Variants in DENND2A observed in about 807,000 individuals in gnomAD.
The protein encoded by DENND2A is DENN domain-containing protein 2A.
A neutral mutation model predicts 105.3 loss-of-function variants in DENND2A; 53 were observed. The observed-to-expected ratio is 0.50, with a 90% confidence interval of 0.40 to 0.63. DENND2A has a LOEUF of 0.63. Ranked by LOEUF, DENND2A falls within the 30% of genes least tolerant of loss-of-function variation. The pLI, the probability that DENND2A is intolerant of heterozygous loss-of-function variation, is 0.00. For synonymous variants in DENND2A, 522 were observed against 508.4 expected (o/e 1.03, Z -0.36); for missense variants, 1,138 against 1,279.6 (o/e 0.89, Z 1.69).
At position 140,552,071 on chromosome 7, in the gene DENND2A, T is replaced by A. The variant is rs138177443; in HGVS notation, c.2037+3565A>T. Among the ~76,000 whole-genome samples the A allele has an allele frequency of 5.5e-3, 840 of 152,306 alleles. 7 individuals carry two copies. Among genetic ancestry groups the A allele is most frequent in the Middle Eastern group, 0.01 (3 of 294 alleles). The stretch of plus-strand genomic sequence containing the variant: ...AGCTGGCCTAACTCACATGAGCTGT[T>A]TTACTTCTGGTGTTCATAAGCATTC... On this transcript the variant is annotated intron_variant, in intron 12 of 19. Transcript: ENST00000496613.
At chr7:140,531,526 C>T (rs1197903717) in intron 14 of DENND2A, among the ~76,000 whole-genome samples, 11 of 152,030 alleles carry the variant, frequency 7.2e-5, no homozygotes, top group Non-Finnish European at 1.3e-4. Context: ...GAGCCGGGTG[C>T]GGTGGCTCGT....
intron 1 of DENND2A, among the ~76,000 whole-genome samples, chr7:140,618,626 T>A (rs978259145): frequency 2.6e-5 from 4 of 152,192 alleles, no homozygotes; most frequent in African/African-American, 9.7e-5. Flanking sequence ...AGACTAGAAC[T>A]AGACTCTAGC....
chr7:140,580,064 T>C (rs1021649376), intron 5 of DENND2A, among the ~76,000 whole-genome samples: 1 of 152,038 alleles, frequency 6.6e-6, no homozygotes, highest in African/African-American at 2.4e-5. Flanking sequence ...GCTGAGATCA[T>C]GCCACTGCAC....
chr7:140,578,759 C>T (rs1307703385), intron 5 of DENND2A, among the ~76,000 whole-genome samples: 2 of 151,880 alleles, frequency 1.3e-5, no homozygotes, highest in Non-Finnish European at 1.5e-5. Context: ...TGGGCACCTG[C>T]GCTACTCAGG....
rs191899204 is a variant in DENND2A, at chr7:140,557,981, A to T, written c.1959+162T>A. ...GCCACCATGCCAGATTTTTTCTGTG[A>T]TTTTAACTATGCTGATTCACCTGCC... On this transcript the variant is annotated intron_variant, in intron 11 of 19. Transcript: ENST00000496613. 3.4e-3 allele frequency among the ~76,000 whole-genome samples: 509 copies of T among 151,932 alleles called. 1 individual carries two copies. The highest frequency in any genetic ancestry group is 4.9e-3 in the Non-Finnish European group (335 of 67,940).
At chr7:140,584,889 T>C (rs1798713964) in intron 5 of DENND2A, among the ~76,000 whole-genome samples, 1 of 152,188 alleles carries the variant, frequency 6.6e-6, no homozygotes, top group South Asian at 2.1e-4. Flanking sequence ...TTTACATGTA[T>C]GTATATTCTT....
intron 3 of DENND2A, among the ~76,000 whole-genome samples, chr7:140,595,975 A>G (rs1799268381): frequency 6.6e-6 from 1 of 152,154 alleles, no homozygotes; most frequent in South Asian, 2.1e-4. Context: ...CCAGGTGCTC[A>G]GGGCAGGCGG....
chr7:140,622,379 G>C (rs1226115349), intron 1 of DENND2A, among the ~76,000 whole-genome samples: 1 of 151,482 alleles, frequency 6.6e-6, no homozygotes, highest in Non-Finnish European at 1.5e-5. Flanking sequence ...CTGGGCGACA[G>C]AGCAAGACTC....
chr7:140,566,185 C>T (rs1209602673), intron 9 of DENND2A, among the ~76,000 whole-genome samples: 1 of 152,120 alleles, frequency 6.6e-6, no homozygotes. Flanking sequence ...GCGCCTGCCA[C>T]CACGCCCAGC....
At chr7:140,541,369 G>A (rs544175512) in intron 14 of DENND2A, among the ~76,000 whole-genome samples, 1 of 152,074 alleles carries the variant, frequency 6.6e-6, no homozygotes, top group Non-Finnish European at 1.5e-5. Flanking sequence ...TCCTCCCCAA[G>A]TCTAGCATCT....
chr7:140,569,357 G>A (rs534090027), intron 7 of DENND2A, among the ~76,000 whole-genome samples: 6 of 152,300 alleles, frequency 3.9e-5, no homozygotes, highest in Non-Finnish European at 8.8e-5. Flanking sequence ...GAAGGTCCTG[G>A]CCCCTTTTGT....
At chr7:140,530,700 C>G (rs969614417) in intron 14 of DENND2A, among the ~76,000 whole-genome samples, 3 of 151,102 alleles carry the variant, frequency 2.0e-5, no homozygotes, top group Admixed American at 2.0e-4. Flanking sequence ...ATCCAGAATC[C>G]AGCCAGAGCT....
At chr7:140,633,982 G>A (rs959370840) in intron 1 of DENND2A, among the ~76,000 whole-genome samples, 1 of 151,560 alleles carries the variant, frequency 6.6e-6, no homozygotes, top group South Asian at 2.1e-4. Flanking sequence ...ATGGAATTGC[G>A]AGATTAAAAT....
intron 12 of DENND2A, among the ~76,000 whole-genome samples, chr7:140,552,944 G>A (rs1057494532): frequency 3.9e-5 from 6 of 152,266 alleles, no homozygotes; most frequent in Admixed American, 2.0e-4. Context: ...GGTGGAGGGT[G>A]GGCAGGAGGA....
At chr7:140,585,844 C>T in intron 4 of DENND2A, 134 bp from the exon 5 acceptor site, 6 of 1,287,990 alleles carry the variant, frequency 4.7e-6, no homozygotes, top group South Asian at 1.4e-5. Flanking sequence ...CATCCATGCG[C>T]CCCTCCTGTT....
At chr7:140,544,910 A>C in intron 13 of DENND2A, 144 bp from the exon 14 acceptor site, 90 of 1,243,550 alleles carry the variant, frequency 7.2e-5, no homozygotes, top group Middle Eastern at 6.6e-4. Context: ...AAGCAAAACA[A>C]AAGGATTGGG....
chr7:140,581,303 A>G (rs1798531713), intron 5 of DENND2A, among the ~76,000 whole-genome samples: 1 of 152,178 alleles, frequency 6.6e-6, no homozygotes, highest in Non-Finnish European at 1.5e-5. Context: ...GCGTAGCAAG[A>G]AAAGAAAACA....
Position 140,523,440 on chromosome 7 carries a change from A to G in DENND2A, c.2548-16T>C. The stretch of plus-strand genomic sequence containing the variant: ...CATCGTCCATCTGGAAAGCAGAGGT[A>G]GCAGGTGGGCTTATGGGCACGGTGG... On this transcript the variant is annotated splice_polypyrimidine_tract_variant and intron_variant, in intron 16 of 19. Coordinates refer to ENST00000496613, the MANE Select transcript of DENND2A (RefSeq NM_015689.5). The surrounding 1 kb of genome is among the most constrained non-coding windows in gnomAD (Gnocchi z 4.5). The G allele has an allele frequency of 1.2e-6, 2 of 1,612,914 alleles. No individual in the cohort carries two copies. The highest frequency in any genetic ancestry group is 8.5e-7 in the Non-Finnish European group (1 of 1,179,050).
At chr7:140,592,189 GCCA>G (rs1329115828) in intron 3 of DENND2A, among the ~76,000 whole-genome samples, 2 of 148,600 alleles carry the variant, frequency 1.3e-5, no homozygotes, top group Non-Finnish European at 3.0e-5. Flanking sequence ...ACAGGCGCCT[GCCA>G]CCACATCTGG....
Sources: allele counts gnomAD v4.1 joint callset (sites outside exome capture counted in the v4.1 genomes callset), GRCh38; gene constraint gnomAD v4.1.1; non-coding constraint Gnocchi (gnomAD v3.1); transcripts MANE v1.5; gene names NCBI Gene and HGNC (gene_info 2026-07-23, HGNC 2026-07-21).